WDFY3: variants seen among roughly 807,000 people sequenced by gnomAD.
The protein encoded by WDFY3 is WD repeat and FYVE domain containing 3, also known as WD repeat and FYVE domain-containing protein 3.
Under a neutral mutation model 409.6 loss-of-function variants are expected in WDFY3, and 66 were observed. The observed-to-expected ratio is 0.16, with a 90% CI of 0.13 to 0.20. The LOEUF is 0.20. Ranked by LOEUF, WDFY3 falls within the 10% of genes least tolerant of loss-of-function variation. The pLI, the probability that WDFY3 is intolerant of heterozygous loss-of-function variation, is 1.00. For missense variants in WDFY3, 3,031 were observed against 4,298.1 expected (o/e 0.71, Z 8.24); for synonymous variants, 1,521 against 1,537.1 (o/e 0.99, Z 0.25).
At chr4:84,833,709 AAC>A (rs1338504000) in intron 7 of WDFY3, among the ~76,000 whole-genome samples, 69 of 151,856 alleles carry the variant, frequency 4.5e-4, no homozygotes, top group African/African-American at 1.4e-3. Flanking sequence ...AAGAGAAGAG[AAC>A]AGAACAGAAG....
intron 29 of WDFY3, 36 bp downstream of exon 29, chr4:84,774,784 T>C: frequency 1.3e-6 from 2 of 1,564,530 alleles, no homozygotes; most frequent in Non-Finnish European, 8.6e-7. Context: ...GTACTTTTAG[T>C]TAATAAAAAG....
intron 8 of WDFY3, 75 bp downstream of exon 8, chr4:84,831,338 T>TA (rs1480098557): frequency 2.7e-6 from 3 of 1,115,244 alleles, no homozygotes; most frequent in African/African-American, 3.2e-5. Flanking sequence ...TACTGAAAGA[T>TA]AAAAATAAAT....
chr4:84,816,721 TATA>T (rs1364976166), intron 13 of WDFY3, among the ~76,000 whole-genome samples: 1 of 152,126 alleles, frequency 6.6e-6, no homozygotes, highest in African/African-American at 2.4e-5. Context: ...TATCATTTCT[TATA>T]ATATCAATAA....
At chr4:84,926,653 T>C (rs1579158248) in intron 2 of WDFY3, among the ~76,000 whole-genome samples, 1 of 152,220 alleles carries the variant, frequency 6.6e-6, no homozygotes, top group African/African-American at 2.4e-5. Context: ...TTTCCTCAAA[T>C]AGTCTAAAGC....
intron 8 of WDFY3, among the ~76,000 whole-genome samples, chr4:84,830,803 AAAAG>A (rs1444441136): frequency 2.6e-5 from 4 of 152,216 alleles, no homozygotes; most frequent in Non-Finnish European, 5.9e-5. Flanking sequence ...TTTATTCAGT[AAAAG>A]AAGAGAGAAG....
intron 13 of WDFY3, among the ~76,000 whole-genome samples, chr4:84,813,002 C>G (rs1473893612): frequency 1.3e-5 from 2 of 152,058 alleles, no homozygotes; most frequent in South Asian, 2.1e-4. Flanking sequence ...ACAATTCATA[C>G]AATTCAAATT....
At chr4:84,959,164 T>C (rs895810966) in intron 1 of WDFY3, among the ~76,000 whole-genome samples, 2 of 151,976 alleles carry the variant, frequency 1.3e-5, no homozygotes, top group Admixed American at 6.5e-5. Context: ...TTTTAAAAAA[T>C]GAACAAATGA....
At chr4:84,792,625 T>C (rs997658898) in intron 21 of WDFY3, among the ~76,000 whole-genome samples, 1 of 152,174 alleles carries the variant, frequency 6.6e-6, no homozygotes, top group Non-Finnish European at 1.5e-5. Context: ...GCAATACTAA[T>C]GCATATGTTA....
At chr4:84,907,903 C>A (rs1488100787) in intron 2 of WDFY3, among the ~76,000 whole-genome samples, 2 of 151,864 alleles carry the variant, frequency 1.3e-5, no homozygotes, top group Admixed American at 1.3e-4. Context: ...ACCCAGAACA[C>A]AATATCAAGT....
chr4:84,938,926 C>G (rs140273244), intron 1 of WDFY3, among the ~76,000 whole-genome samples: 1 of 152,212 alleles, frequency 6.6e-6, no homozygotes, highest in African/African-American at 2.4e-5. Context: ...ATAAGGAAAG[C>G]ACAGTGATCA....
rs184669703 is a variant in WDFY3, at chr4:84,955,624, T to C, written c.-226+10585A>G. On this transcript the variant is annotated intron_variant, in intron 1 of 67. Transcript: ENST00000295888. ...GATATTACTAATGGGGAAAGAAAGA[T>C]AGGTGAAGAGTACGTGGAGCTCTAT... Among the ~76,000 whole-genome samples, 28 of 152,098 alleles carry C rather than the reference T, an allele frequency of 1.8e-4. 1 individual carries two copies. The East Asian group carries it at 5.0e-3, about 27-fold the overall frequency.
chr4:84,686,041 C>A (rs1225049867), intron 62 of WDFY3, among the ~76,000 whole-genome samples: 1 of 152,144 alleles, frequency 6.6e-6, no homozygotes, highest in African/African-American at 2.4e-5. Context: ...CCTCTTAAAC[C>A]TTTCAGACAG....
intron 2 of WDFY3, among the ~76,000 whole-genome samples, chr4:84,926,002 T>C (rs1044478278): frequency 2.0e-5 from 3 of 151,206 alleles, no homozygotes; most frequent in African/African-American, 7.3e-5. Flanking sequence ...GACTAAACCA[T>C]TGGGCAGTCT....
At chr4:84,716,451 A>C (rs1303340244) in intron 49 of WDFY3, among the ~76,000 whole-genome samples, 2 of 146,786 alleles carry the variant, frequency 1.4e-5, no homozygotes, top group Non-Finnish European at 3.0e-5. Flanking sequence ...AAAAAAAAAA[A>C]AAAAAATGCA....
intron 3 of WDFY3, among the ~76,000 whole-genome samples, chr4:84,861,403 G>A (rs1391043638): frequency 6.6e-6 from 1 of 151,730 alleles, no homozygotes; most frequent in African/African-American, 2.4e-5. Flanking sequence ...TAATTTTTTT[G>A]CTAGAAAATT....
chr4:84,844,001 C>A (rs1410360616), intron 5 of WDFY3, among the ~76,000 whole-genome samples: 4 of 152,006 alleles, frequency 2.6e-5, no homozygotes, highest in Non-Finnish European at 5.9e-5. Flanking sequence ...TCATTTGATT[C>A]AAGCTTTATC....
intron 11 of WDFY3, among the ~76,000 whole-genome samples, chr4:84,820,516 C>T (rs1420807647): frequency 6.6e-6 from 1 of 151,942 alleles, no homozygotes; most frequent in East Asian, 1.9e-4. Context: ...TTTTGATACA[C>T]CAAAAAGAGA....
At chr4:84,841,474 T>A (rs1366104218) in intron 5 of WDFY3, among the ~76,000 whole-genome samples, 1 of 152,176 alleles carries the variant, frequency 6.6e-6, no homozygotes, top group African/African-American at 2.4e-5. Context: ...AACCTATATA[T>A]TTCAGGAAAA....
intron 5 of WDFY3, among the ~76,000 whole-genome samples, chr4:84,842,611 T>C (rs1757529110): frequency 6.6e-6 from 1 of 151,830 alleles, no homozygotes; most frequent in African/African-American, 2.4e-5. Flanking sequence ...TGAAACCCCA[T>C]CTCTACTAAA....
Sources: allele counts gnomAD v4.1 joint callset (sites outside exome capture counted in the v4.1 genomes callset), GRCh38; gene constraint gnomAD v4.1.1; transcripts MANE v1.5; gene names NCBI Gene and HGNC (gene_info 2026-07-23, HGNC 2026-07-21).